Variants in BOP1 observed in about 807,000 individuals in gnomAD.
BOP1 encodes ribosome biogenesis protein BOP1.
A neutral mutation model predicts 82.9 loss-of-function variants in BOP1; 54 were observed. The ratio of observed to expected loss-of-function variants is 0.65; its 90% confidence interval spans 0.52 to 0.82. The LOEUF is 0.82. Among genes scored for constraint, BOP1 ranks in the 40% least tolerant of loss-of-function variants. The probability of loss-of-function intolerance (pLI) is 0.00; values close to 1 mark genes in which losing one functional copy is unlikely to be tolerated. For synonymous variants in BOP1, 566 were observed against 451.1 expected (o/e 1.25, Z -3.23); for missense variants, 1,170 against 1,072.0 (o/e 1.09, Z -1.28).
intron 2 of BOP1, among the ~76,000 whole-genome samples, chr8:144,276,651 C>T (rs1294349342): frequency 2.6e-5 from 4 of 152,174 alleles, no homozygotes; most frequent in Non-Finnish European, 4.4e-5. Flanking sequence ...GCCAACCACC[C>T]GTACCCCCAT....
chr8:144,290,637 A>C (rs1588613369), intron 1 of BOP1, among the ~76,000 whole-genome samples: 2 of 152,364 alleles, frequency 1.3e-5, no homozygotes, highest in East Asian at 1.9e-4. Context: ...TGGAAGTCGC[A>C]GAACCTGGCG....
intron 3 of BOP1, chr8:144,266,410 G>T: frequency 1.4e-6 from 1 of 735,734 alleles, no homozygotes; most frequent in Non-Finnish European, 1.7e-6. Flanking sequence ...GCGGGGGAGG[G>T]GCCGGGACGC....
Position 144,262,504 on chromosome 8 carries a change from C to CT in BOP1, c.1980-2dup, listed in dbSNP as rs1286119667. 1.2e-6 allele frequency: 2 copies of CT among 1,612,846 alleles called. No homozygotes were observed. The highest frequency in any genetic ancestry group is 1.3e-5 in the African/African-American group (1 of 74,882). ...AGCCCGCAGAGCCTTCTTGTGGTGTCTGGGGGGAGGGAACCAGGTTGAAGG... is the reference window on the plus strand; with the variant it reads ...AGCCCGCAGAGCCTTCTTGTGGTGTCTTGGGGGGAGGGAACCAGGTTGAAGG... On this transcript the variant is annotated splice_acceptor_variant, in intron 14 of 15. Coordinates refer to ENST00000569669, the MANE Select transcript of BOP1 (RefSeq NM_015201.5). LOFTEE classifies it high-confidence loss of function.
chr8:144,271,452 G>GC (rs1183647055), intron 3 of BOP1, among the ~76,000 whole-genome samples: 1 of 151,716 alleles, frequency 6.6e-6, no homozygotes, highest in Non-Finnish European at 1.5e-5. Context: ...CTCTTCCCCA[G>GC]CCCCTCTCCG....
chr8:144,265,260 G>T, intron 3 of BOP1, 189 bp from the exon 4 acceptor site: 1 of 675,856 alleles, frequency 1.5e-6, no homozygotes, highest in Non-Finnish European at 2.5e-6. Flanking sequence ...CGGCCACGCT[G>T]CCCCCACCCC....
intron 3 of BOP1, chr8:144,265,988 AGGACAGACAGGC>A (rs1845352849): frequency 6.6e-6 from 1 of 152,550 alleles, no homozygotes; most frequent in African/African-American, 2.4e-5. Context: ...AGGCAGGTGC[AGGACAGACAGGC>A]GGAGAGACTG....
chr8:144,289,424 G>T, intron 1 of BOP1, 120 bp from the exon 2 acceptor site: 1 of 1,003,904 alleles, frequency 1.0e-6, no homozygotes, highest in Non-Finnish European at 1.5e-6. Context: ...TGGCCTCCAG[G>T]ACCACACCCC....
chr8:144,262,092 G>A lies in BOP1; in HGVS notation c.*72C>T, dbSNP rs1845191967. 2.4e-5 allele frequency: 38 copies of A among 1,599,770 alleles called. No individual in the cohort carries two copies. Among genetic ancestry groups the A allele is most frequent in the Non-Finnish European group, 3.2e-5 (37 of 1,172,700 alleles). ...GCAACCCCAATTCAAGAAGGTGGGA[G>A]CACCAGGCAGCACAGGGTAAAGGCT... On this transcript the variant is annotated 3_prime_UTR_variant, in exon 16 of 16. Transcript: ENST00000569669.
intron 2 of BOP1, among the ~76,000 whole-genome samples, chr8:144,284,378 A>G (rs2130261491): frequency 6.6e-6 from 1 of 152,338 alleles, no homozygotes; most frequent in South Asian, 2.1e-4. Context: ...TGTGAGAAAC[A>G]GCATGTTACT....
intron 2 of BOP1, among the ~76,000 whole-genome samples, chr8:144,276,954 G>A (rs921283904): frequency 2.4e-4 from 37 of 152,340 alleles, no homozygotes; most frequent in South Asian, 6.2e-4. Flanking sequence ...ACCCCATCCC[G>A]CCGGGTCACA....
Position 144,264,979 on chromosome 8 carries a change from C to T in BOP1, c.483G>A (p.Lys161=). ...GYDLDGRRIY[K]PLRTRDELDQ... is the part of the protein sequence containing the mutation. ...CCAGCTCATCCCGGGTCCGCAGGGG[C>T]TTGTAGATGCGCCTGCCATCCAGGT... Residue 161 remains lysine (K), a synonymous_variant, in exon 4 of 16, where the codon AAG becomes AAA. Coordinates refer to ENST00000569669, the MANE Select transcript of BOP1 (RefSeq NM_015201.5). The T allele has an allele frequency of 6.2e-7, 1 of 1,612,382 alleles. No individual in the cohort carries two copies. The highest frequency in any genetic ancestry group is 1.7e-5 in the Admixed American group (1 of 59,994).
rs1845227328 is a variant in BOP1 at position 144,262,503 on chromosome 8, T to G, written c.1980A>C (p.Arg660Ser). 4.3e-6 allele frequency: 7 copies of G among 1,612,620 alleles called. No individual in the cohort carries two copies. The highest frequency in any genetic ancestry group is 5.9e-6 in the Non-Finnish European group (7 of 1,179,728). ...DLSTKPYRML[R>S]HHKKALRAVA... ...CAGCCCGCAGAGCCTTCTTGTGGTG[T>G]CTGGGGGGAGGGAACCAGGTTGAAG... is the stretch of plus-strand genomic sequence containing the variant. The change falls in exon 15 of 16, where the codon AGA becomes AGC. Residue 660 changes from arginine to serine, a missense_variant and splice_region_variant. By Grantham distance (110) the Arg-to-Ser change is moderately radical. Transcript: ENST00000569669.
At position 144,264,252 on chromosome 8, in the gene BOP1, G is replaced by A; in HGVS notation, c.951C>T (p.Pro317=). Residue 317 remains proline (P), a synonymous_variant, in exon 7 of 16, where the codon CCC becomes CCT. Coordinates refer to ENST00000569669, the MANE Select transcript of BOP1 (RefSeq NM_015201.5). ...LPGHAESYNP[P]PEYLLSEEER... ...CCTCCTCGCTGAGCAGGTATTCAGG[G>A]GGTGGGTTGTACGACTCGGCGTGGC... 6.2e-7 allele frequency: 1 copy of A among 1,610,512 alleles called. No homozygotes were observed. Among genetic ancestry groups the A allele is most frequent in the East Asian group, 2.2e-5 (1 of 44,832 alleles).
At chr8:144,268,964 A>C (rs911542273) in intron 3 of BOP1, among the ~76,000 whole-genome samples, 3 of 152,128 alleles carry the variant, frequency 2.0e-5, no homozygotes, top group Non-Finnish European at 4.4e-5. Context: ...TCCCAGCCCC[A>C]GCGAGGGCAG....
chr8:144,280,619 G>A (rs782468405), intron 2 of BOP1, among the ~76,000 whole-genome samples: 1 of 152,218 alleles, frequency 6.6e-6, no homozygotes, highest in Non-Finnish European at 1.5e-5. Context: ...TTGGGAGACC[G>A]AGGCAGGCGG....
intron 2 of BOP1, among the ~76,000 whole-genome samples, chr8:144,282,381 G>A (rs1845699233): frequency 6.6e-6 from 1 of 152,216 alleles, no homozygotes; most frequent in East Asian, 1.9e-4. Flanking sequence ...GGGTCATCAG[G>A]TGGCACAGAA....
Position 144,262,049 on chromosome 8 carries a change from G to T in BOP1, c.*115C>A. 1 of 1,465,290 alleles carries T rather than the reference G, an allele frequency of 6.8e-7. No individual in the cohort carries two copies. The highest frequency in any genetic ancestry group is 2.3e-5 in the East Asian group (1 of 42,638). The allele number at this position is 1,465,290 out of a possible 1,614,324, so 90.8% of individuals were successfully genotyped here. On this transcript the variant is annotated 3_prime_UTR_variant, in exon 16 of 16. Coordinates refer to ENST00000569669, the MANE Select transcript of BOP1 (RefSeq NM_015201.5). ...AGTGAGGGGAAGGCTCGGCGCTGTGGTGGGGGCGGCTTTGTTGGCAACCCC... is the reference window on the plus strand; with the variant it reads ...AGTGAGGGGAAGGCTCGGCGCTGTGTTGGGGGCGGCTTTGTTGGCAACCCC...
At chr8:144,266,671 A>G in intron 3 of BOP1, 1 of 1,256,368 alleles carries the variant, frequency 8.0e-7, no homozygotes, top group Non-Finnish European at 1.0e-6. Context: ...CCCCGAGGTG[A>G]GCCCGCTGTC....
intron 1 of BOP1, 73 bp from the exon 2 acceptor site, chr8:144,289,377 C>A: frequency 2.0e-6 from 3 of 1,494,288 alleles, no homozygotes; most frequent in Non-Finnish European, 2.7e-6. Context: ...GGGAGAGCTG[C>A]CTCTCGCCCC....
Sources: allele counts gnomAD v4.1 joint callset (sites outside exome capture counted in the v4.1 genomes callset), GRCh38; gene constraint gnomAD v4.1.1; transcripts MANE v1.5; gene names NCBI Gene and HGNC (gene_info 2026-07-23, HGNC 2026-07-21).